The following PSD3 variants were observed in gnomAD, a reference collection of about 807,000 sequenced individuals.
PSD3 encodes the protein pleckstrin and Sec7 domain containing 3, also known as PH and SEC7 domain-containing protein 3.
A neutral mutation model predicts 105.5 loss-of-function variants in PSD3; 49 were observed. The observed-to-expected ratio is 0.46, with a 90% CI of 0.37 to 0.59. The LOEUF (loss-of-function observed/expected upper bound fraction) is 0.59. Ranked by LOEUF, PSD3 falls within the 20% of genes least tolerant of loss-of-function variation. The probability of loss-of-function intolerance (pLI) is 0.00; values close to 1 mark genes in which losing one functional copy is unlikely to be tolerated. For synonymous variants in PSD3, 557 were observed against 457.8 expected, an observed-to-expected ratio of 1.22 and a Z score of -2.77; for missense variants, 1,561 against 1,263.8, an observed-to-expected ratio of 1.24 and a Z score of -3.57.
intron 4 of PSD3, among the ~76,000 whole-genome samples, chr8:18,861,906 A>G (rs1252642257): frequency 6.6e-6 from 1 of 152,088 alleles, no homozygotes; most frequent in Non-Finnish European, 1.5e-5. Context: ...GCCAGAAAAG[A>G]GGATGGCTTC....
chr8:18,897,535 G>T (rs1222638509), intron 2 of PSD3, among the ~76,000 whole-genome samples: 2 of 152,152 alleles, frequency 1.3e-5, no homozygotes, highest in African/African-American at 4.8e-5. Flanking sequence ...CTATTTCTGT[G>T]ATGAATGACA....
intron 9 of PSD3, among the ~76,000 whole-genome samples, chr8:18,713,893 A>G (rs925731923): frequency 1.3e-5 from 2 of 152,216 alleles, no homozygotes; most frequent in Non-Finnish European, 2.9e-5. Context: ...CTACAAGTCT[A>G]CAGTAACCAA....
intron 9 of PSD3, among the ~76,000 whole-genome samples, chr8:18,686,512 C>T (rs1005207388): frequency 3.3e-5 from 5 of 152,138 alleles, no homozygotes; most frequent in African/African-American, 4.8e-5. Context: ...CGTATTTCTA[C>T]GTGGACAGAG....
chr8:18,549,389 A>G (rs1466711400), intron 15 of PSD3, among the ~76,000 whole-genome samples: 1 of 151,794 alleles, frequency 6.6e-6, no homozygotes, highest in African/African-American at 2.4e-5. Context: ...TTGTATTTTT[A>G]ATTGAGACGG....
At chr8:18,687,775 AT>A (rs34443368) in intron 9 of PSD3, among the ~76,000 whole-genome samples, 2 of 150,588 alleles carry the variant, frequency 1.3e-5, no homozygotes, top group African/African-American at 4.9e-5. Flanking sequence ...TATTTTTGCT[AT>A]TTTTTTTTAA....
intron 2 of PSD3, among the ~76,000 whole-genome samples, chr8:18,919,265 G>A (rs1820832654): frequency 6.6e-6 from 1 of 152,080 alleles, no homozygotes; most frequent in Non-Finnish European, 1.5e-5. Context: ...CAGCCAGGAA[G>A]GAGTTTCGTA....
chr8:19,075,514 A>C (rs1307051042), intron 1 of PSD3, among the ~76,000 whole-genome samples: 1 of 152,264 alleles, frequency 6.6e-6, no homozygotes, highest in Non-Finnish European at 1.5e-5. Flanking sequence ...ACATGAACTC[A>C]GGAGAAGTCC....
At chr8:18,612,948 T>C (rs1364485541) in intron 11 of PSD3, among the ~76,000 whole-genome samples, 3 of 152,050 alleles carry the variant, frequency 2.0e-5, no homozygotes, top group Non-Finnish European at 4.4e-5. Context: ...CAGGAGACGG[T>C]TTCACTGGCA....
At chr8:18,579,096 CCACACACA>C (rs3988324) in intron 12 of PSD3, among the ~76,000 whole-genome samples, 39 of 143,644 alleles carry the variant, frequency 2.7e-4, no homozygotes, top group Admixed American at 5.5e-4. Context: ...AGCTCCAAGT[CCACACACA>C]CACACACACA....
chr8:18,884,093 G>A (rs954503081), intron 2 of PSD3, among the ~76,000 whole-genome samples: 1 of 152,034 alleles, frequency 6.6e-6, no homozygotes, highest in Non-Finnish European at 1.5e-5. Flanking sequence ...GACGAGGGCA[G>A]GAAAAAGAGT....
chr8:18,548,698 G>A (rs1393190877), intron 15 of PSD3, among the ~76,000 whole-genome samples: 1 of 152,188 alleles, frequency 6.6e-6, no homozygotes, highest in Non-Finnish European at 1.5e-5. Context: ...CTCAGTGACT[G>A]TATGACAGGT....
At chr8:19,040,688 GGTGAGAGATCA>G (rs1563525085) in intron 1 of PSD3, among the ~76,000 whole-genome samples, 1 of 152,010 alleles carries the variant, frequency 6.6e-6, no homozygotes, top group Non-Finnish European at 1.5e-5. Flanking sequence ...CAATCAGCCA[GGTGAGAGATCA>G]CAGTGGCTTG....
intron 11 of PSD3, among the ~76,000 whole-genome samples, chr8:18,624,545 G>A (rs1806343680): frequency 1.0e-5 from 1 of 95,610 alleles, no homozygotes; most frequent in Admixed American, 1.4e-4. Context: ...GTGGGGTGGG[G>A]GGAGGGGGGA....
chr8:18,870,895 T>G (rs2129457240), intron 3 of PSD3, among the ~76,000 whole-genome samples: 1 of 151,512 alleles, frequency 6.6e-6, no homozygotes, highest in African/African-American at 2.4e-5. Flanking sequence ...ATGCGAGGAG[T>G]TTGAAACAGC....
intron 4 of PSD3, among the ~76,000 whole-genome samples, chr8:18,844,779 T>C (rs1335747057): frequency 1.3e-5 from 2 of 152,218 alleles, no homozygotes; most frequent in Non-Finnish European, 2.9e-5. Context: ...TCCTCTGCTA[T>C]GGAAGATTTT....
At chr8:19,026,718 A>AAAAAAG (rs1554571317) in intron 1 of PSD3, among the ~76,000 whole-genome samples, 1 of 147,546 alleles carries the variant, frequency 6.8e-6, no homozygotes, top group Non-Finnish European at 1.5e-5. Flanking sequence ...AAAAAAAAAA[A>AAAAAAG]AAAAAATGCC....
At chr8:18,973,369 G>C (rs1224528859) in intron 1 of PSD3, among the ~76,000 whole-genome samples, 1 of 152,300 alleles carries the variant, frequency 6.6e-6, no homozygotes, top group East Asian at 1.9e-4. Flanking sequence ...CTGAAGGCTG[G>C]AAGTCCAAGA....
intron 10 of PSD3, among the ~76,000 whole-genome samples, chr8:18,650,840 C>T (rs1257207958): frequency 3.3e-5 from 5 of 152,294 alleles, no homozygotes; most frequent in Admixed American, 3.3e-4. Flanking sequence ...CAGAAACATT[C>T]AGACTCACTC....
intron 15 of PSD3, among the ~76,000 whole-genome samples, chr8:18,551,203 A>G (rs1200964978): frequency 6.6e-6 from 1 of 152,216 alleles, no homozygotes; most frequent in Non-Finnish European, 1.5e-5. Context: ...CCCAATGTTG[A>G]CAAATAAAAA....
Sources: gnomAD v4.1 joint callset for allele counts (sites outside exome capture counted in the v4.1 genomes callset) on GRCh38, gnomAD v4.1.1 for gene constraint, MANE v1.5 for transcripts, NCBI Gene and HGNC (gene_info 2026-07-23, HGNC 2026-07-21) for gene names.